The following ERICH1 variants were observed in gnomAD, a reference collection of about 807,000 sequenced individuals.
ERICH1 encodes glutamate-rich protein 1.
In ERICH1, 56 loss-of-function variants were observed where a neutral mutation model predicts 39.6. The ratio of observed to expected loss-of-function variants is 1.41; its 90% CI spans 1.14 to 1.77. The LOEUF is 1.77. ERICH1 is among the 40% of genes most tolerant of loss of function. ERICH1 has a pLI of 0.00. For missense variants in ERICH1, 826 were observed against 575.4 expected, an observed-to-expected ratio of 1.44 and a Z score of -4.45; for synonymous variants, 313 against 223.6, an observed-to-expected ratio of 1.40 and a Z score of -3.57.
chr8:724,551 C>G (rs1818129799), intron 1 of ERICH1, among the ~76,000 whole-genome samples: 1 of 152,144 alleles, frequency 6.6e-6, no homozygotes, highest in Non-Finnish European at 1.5e-5. Flanking sequence ...GAGCAGCCCA[C>G]TCAGTTCTCG....
At chr8:726,866 T>C (rs954766458) in intron 1 of ERICH1, among the ~76,000 whole-genome samples, 2 of 147,228 alleles carry the variant, frequency 1.4e-5, no homozygotes. Flanking sequence ...TGTACACAGA[T>C]ACACATGCAC....
chr8:624,308 T>G (rs1797468195), intron 3 of ERICH1, among the ~76,000 whole-genome samples: 1 of 152,160 alleles, frequency 6.6e-6, no homozygotes, highest in Non-Finnish European at 1.5e-5. Context: ...ATGCATACTT[T>G]CCTGATAAGG....
At chr8:615,069 G>C in exon 4 of ERICH1, 1 of 584,410 alleles carries the variant, frequency 1.7e-6, no homozygotes, top group East Asian at 2.8e-5. Flanking sequence ...GTACCCATCG[G>C]CCACTGAAGA....
At chr8:686,448 TAAAAAA>T (rs59620199) in intron 3 of ERICH1, among the ~76,000 whole-genome samples, 2,990 of 147,496 alleles carry the variant, frequency 0.02, 118 homozygotes, top group African/African-American at 0.071. Flanking sequence ...CTAGGCAAGC[TAAAAAA>T]AAAAAAAAAA....
At chr8:616,836 A>C (rs202183577) in intron 3 of ERICH1, among the ~76,000 whole-genome samples, 1 of 74,258 alleles carries the variant, frequency 1.3e-5, no homozygotes, top group Non-Finnish European at 2.7e-5. Context: ...GAGAGAGAGA[A>C]AGAGAGAGGG....
At position 720,293 on chromosome 8, in the gene ERICH1, C is replaced by T. The variant is rs1303397143; in HGVS notation, c.23-4286G>A. Among the ~76,000 whole-genome samples the T allele has an allele frequency of 3.9e-5, 6 of 152,092 alleles. No individual in the cohort carries two copies. The South Asian group carries it at 1.0e-3, about 26-fold the overall frequency. ...AGGAAACACACCTGCCCCACGCCAG[C>T]GTCACCCACGGACATGACCGATGGC... On this transcript the variant is annotated intron_variant, in intron 1 of 5. Coordinates refer to ENST00000262109, the MANE Select transcript of ERICH1 (RefSeq NM_207332.3).
chr8:677,108 G>A (rs1805020925), intron 3 of ERICH1, among the ~76,000 whole-genome samples: 1 of 152,354 alleles, frequency 6.6e-6, no homozygotes, highest in African/African-American at 2.4e-5. Context: ...CAGGAACCCT[G>A]CAGAGGGTGA....
At chr8:663,634 T>C (rs149201796), downstream of ERICH1, among the ~76,000 whole-genome samples, 53 of 152,318 alleles carry the variant, frequency 3.5e-4, no homozygotes, top group East Asian at 9.6e-3. Context: ...AGCAAACGCA[T>C]GTGGTACCTT....
chr8:708,367 C>A (rs1813781111), intron 2 of ERICH1, among the ~76,000 whole-genome samples: 3 of 152,264 alleles, frequency 2.0e-5, no homozygotes, highest in African/African-American at 7.2e-5. Flanking sequence ...AGCAATGTTA[C>A]TGACAATAGC....
At chr8:702,123 G>C (rs999964505) in intron 2 of ERICH1, among the ~76,000 whole-genome samples, 9 of 149,860 alleles carry the variant, frequency 6.0e-5, no homozygotes, top group Non-Finnish European at 1.2e-4. Flanking sequence ...ACTGAGAGAA[G>C]GTGTTTGCTG....
chr8:650,126 G>C (rs891913390), intron 3 of ERICH1, among the ~76,000 whole-genome samples: 6 of 152,220 alleles, frequency 3.9e-5, no homozygotes, highest in Admixed American at 1.3e-4. Flanking sequence ...GCTCCATGCC[G>C]GGAGCGCGCA....
intron 3 of ERICH1, among the ~76,000 whole-genome samples, chr8:655,114 C>G (rs542655469): frequency 6.6e-6 from 1 of 152,186 alleles, no homozygotes; most frequent in South Asian, 2.1e-4. Context: ...CCCAGATGCA[C>G]GACGGGACCT....
chr8:679,154 C>G (rs1805530254), intron 3 of ERICH1, among the ~76,000 whole-genome samples: 2 of 150,518 alleles, frequency 1.3e-5, no homozygotes, highest in South Asian at 2.1e-4. Context: ...GCTCCGGCCC[C>G]TCACAGCTCC....
At chr8:708,414 G>T (rs757648526) in intron 2 of ERICH1, among the ~76,000 whole-genome samples, 5 of 152,138 alleles carry the variant, frequency 3.3e-5, no homozygotes, top group Non-Finnish European at 7.3e-5. Flanking sequence ...ATCAACTGAT[G>T]AATGGAGAAA....
At chr8:711,390 C>G (rs745782110) in intron 2 of ERICH1, among the ~76,000 whole-genome samples, 2 of 152,088 alleles carry the variant, frequency 1.3e-5, no homozygotes, top group African/African-American at 2.4e-5. Flanking sequence ...ATTGATCAAG[C>G]CTTTGGTGTT....
intron 2 of ERICH1, among the ~76,000 whole-genome samples, chr8:712,552 C>G (rs1475600804): frequency 6.6e-6 from 1 of 152,152 alleles, no homozygotes; most frequent in African/African-American, 2.4e-5. Flanking sequence ...GCCTCAGCCT[C>G]TCGAGTAGCT....
chr8:692,062 T>G (rs1279336808), intron 3 of ERICH1, among the ~76,000 whole-genome samples: 2 of 152,236 alleles, frequency 1.3e-5, no homozygotes, highest in African/African-American at 2.4e-5. Flanking sequence ...AAATAAGGTA[T>G]TTCCTTGATT....
At chr8:656,515 G>A (rs184167906) in intron 3 of ERICH1, among the ~76,000 whole-genome samples, 1 of 152,154 alleles carries the variant, frequency 6.6e-6, no homozygotes, top group African/African-American at 2.4e-5. Context: ...CCCCACCTGT[G>A]CTCTGGTGCT....
At chr8:620,743 A>T (rs1271933859) in intron 3 of ERICH1, among the ~76,000 whole-genome samples, 1 of 152,220 alleles carries the variant, frequency 6.6e-6, no homozygotes, top group Non-Finnish European at 1.5e-5. Context: ...TAACAATTAT[A>T]AACCCATATG....
Sources: gnomAD v4.1 joint callset for allele counts (sites outside exome capture counted in the v4.1 genomes callset) on GRCh38, gnomAD v4.1.1 for gene constraint, MANE v1.5 for transcripts, NCBI Gene and HGNC (gene_info 2026-07-23, HGNC 2026-07-21) for gene names.